The following HMGXB3 variants were observed in gnomAD, a reference collection of about 807,000 sequenced individuals.
HMGXB3 encodes HMG-box containing 3, also known as HMG domain-containing protein 3.
Under a neutral mutation model 121.5 loss-of-function variants are expected in HMGXB3, and 45 were observed. The observed-to-expected ratio is 0.37, with a 90% CI of 0.29 to 0.47. HMGXB3 has a LOEUF of 0.47. Ranked by LOEUF, HMGXB3 falls within the 20% of genes least tolerant of loss-of-function variation. HMGXB3 has a pLI of 0.99. For missense variants in HMGXB3, 1,376 were observed against 1,602.2 expected, an observed-to-expected ratio of 0.86 and a Z score of 2.41; for synonymous variants, 590 against 624.1, an observed-to-expected ratio of 0.95 and a Z score of 0.81.
At position 150,009,591 on chromosome 5, in the gene HMGXB3, T is replaced by G. The variant is rs1350859217; in HGVS notation, c.313-520T>G. ...GAGGTCAGAATGCTTACTTGCTGCC[T>G]TGAGTTTCATCTTAGCCTGTTAACT... On this transcript the variant is annotated intron_variant, in intron 3 of 19. Transcript: ENST00000502717. 2.6e-5 allele frequency among the ~76,000 whole-genome samples: 4 copies of G among 152,376 alleles called. No homozygotes were observed. The East Asian group carries it at 7.7e-4, about 29-fold the overall frequency.
intron 5 of HMGXB3, among the ~76,000 whole-genome samples, chr5:150,016,315 T>C (rs1755958482): frequency 7.3e-6 from 1 of 136,542 alleles, no homozygotes; most frequent in South Asian, 2.3e-4. Flanking sequence ...CACTGTAGCC[T>C]GAGCAACAGA....
Position 150,051,832 on chromosome 5 carries a change from C to T in HMGXB3, c.3519C>T (p.Val1173=), listed in dbSNP as rs1250283356. The change falls in exon 20 of 20, where the codon GTC becomes GTT. Residue 1173 remains valine (V), a synonymous_variant. Coordinates refer to ENST00000502717, the MANE Select transcript of HMGXB3 (RefSeq NM_014983.3). ...CCAAGACTGCCACGCGGCGCATCGT[C>T]CATGCAGGCCTACAGCCCAATCCTG... ...PVTKTATRRI[V]HAGLQPNPGD... 3.9e-6 allele frequency: 6 copies of T among 1,550,146 alleles called. No homozygotes were observed. Among genetic ancestry groups the T allele is most frequent in the Non-Finnish European group, 2.6e-6 (3 of 1,147,096 alleles).
At chr5:150,044,871 T>C (rs1427984932) in intron 15 of HMGXB3, among the ~76,000 whole-genome samples, 1 of 152,204 alleles carries the variant, frequency 6.6e-6, no homozygotes, top group Non-Finnish European at 1.5e-5. Flanking sequence ...TATTAATAGA[T>C]GTCTATAAGA....
At chr5:150,028,414 A>G (rs1479816751) in intron 9 of HMGXB3, among the ~76,000 whole-genome samples, 1 of 146,220 alleles carries the variant, frequency 6.8e-6, no homozygotes, top group African/African-American at 2.5e-5. Flanking sequence ...GATTTTATAT[A>G]TATATATATG....
At chr5:150,028,408 TTATATATATATATATG>T (rs1288603345) in intron 9 of HMGXB3, among the ~76,000 whole-genome samples, 18 of 145,024 alleles carry the variant, frequency 1.2e-4, no homozygotes, top group African/African-American at 3.8e-4. Context: ...AGACCCGATT[TTATATATATATATATG>T]TATATATATA....
At position 150,032,564 on chromosome 5, in the gene HMGXB3, C is replaced by A; in HGVS notation, c.1944C>A (p.Asn648Lys). Residue 648 changes from asparagine (N) to lysine (K), a missense_variant, in exon 11 of 20, where the codon AAC becomes AAA. Physicochemically the swap from Asn to Lys is moderately conservative, Grantham distance 94 (BLOSUM62 0). Transcript: ENST00000502717. ...KPRICPSCGV[N>K]LAKDRTEKTT... The stretch of plus-strand genomic sequence containing the variant: ...GAATTTGTCCCAGCTGTGGTGTTAA[C>A]CTTGCCAAAGACCGGACTGAGAAAA... 6.4e-7 allele frequency: 1 copy of A among 1,552,274 alleles called. No homozygotes were observed. Among genetic ancestry groups the A allele is most frequent in the Non-Finnish European group, 8.7e-7 (1 of 1,147,120 alleles).
intron 13 of HMGXB3, among the ~76,000 whole-genome samples, chr5:150,040,188 TTTTG>T (rs773888250): frequency 1.3e-5 from 2 of 152,278 alleles, no homozygotes; most frequent in African/African-American, 2.4e-5. Flanking sequence ...TTTCATTATT[TTTTG>T]TTTGTTTGTT....
At chr5:150,003,253 A>C (rs1755620641) in intron 1 of HMGXB3, among the ~76,000 whole-genome samples, 1 of 152,238 alleles carries the variant, frequency 6.6e-6, no homozygotes, top group African/African-American at 2.4e-5. Flanking sequence ...TTGACAGCAC[A>C]GATGTAGAAC....
intron 1 of HMGXB3, among the ~76,000 whole-genome samples, chr5:150,003,278 A>G (rs1459693869): frequency 1.3e-5 from 2 of 152,016 alleles, no homozygotes; most frequent in Admixed American, 6.5e-5. Flanking sequence ...CCATCATCAG[A>G]GTTTATTGAA....
chr5:150,008,101 A>C (rs1231979303), intron 3 of HMGXB3, among the ~76,000 whole-genome samples: 2 of 149,438 alleles, frequency 1.3e-5, no homozygotes, highest in African/African-American at 4.9e-5. Context: ...ACACACACAA[A>C]TCAGCAATCT....
In HMGXB3 at chr5:150,010,140, G is replaced by A; in HGVS notation, c.342G>A (p.Val114=). Residue 114 remains valine (V), a synonymous_variant, in exon 4 of 20, where the codon GTG becomes GTA. Coordinates refer to ENST00000502717, the MANE Select transcript of HMGXB3 (RefSeq NM_014983.3). ...CTAAGCTCTCTGCACTGACTGCTGT[G>A]GTTCCGGACATCCCAGGTTTCCGCA... ...PNSKLSALTA[V]VPDIPGFRKI... 1 of 1,551,624 alleles carries A rather than the reference G, an allele frequency of 6.4e-7. No individual in the cohort carries two copies. The highest frequency in any genetic ancestry group is 1.2e-5 in the South Asian group (1 of 84,056).
At chr5:150,021,265 A>G (rs1756086002) in intron 6 of HMGXB3, among the ~76,000 whole-genome samples, 1 of 152,236 alleles carries the variant, frequency 6.6e-6, no homozygotes, top group African/African-American at 2.4e-5. Context: ...TTAGAATTTT[A>G]GAAATAAATT....
At chr5:150,022,606 TTAG>T (rs1197399998) in intron 6 of HMGXB3, among the ~76,000 whole-genome samples, 1 of 152,176 alleles carries the variant, frequency 6.6e-6, no homozygotes, top group African/African-American at 2.4e-5. Flanking sequence ...AATAGCCTAC[TTAG>T]TAGGCAGTGT....
chr5:150,048,768 G>T lies in HMGXB3; in HGVS notation c.3201+83G>T, dbSNP rs181755220. ...CAGGGACTGATCCAGCTCAGTTTTG[G>T]GGGGCTAGACTTAGGTCACTGGGCA... On this transcript the variant is annotated intron_variant, in intron 18 of 19. Coordinates refer to ENST00000502717, the MANE Select transcript of HMGXB3 (RefSeq NM_014983.3). 500 of 1,069,070 alleles carry T rather than the reference G, an allele frequency of 4.7e-4. 2 individuals are homozygous for T. In the African/African-American group the frequency reaches 5.3e-3, roughly 11 times the overall value. The allele number at this position is 1,069,070 out of a possible 1,614,324, so 66.2% of individuals were successfully genotyped here.
intron 13 of HMGXB3, among the ~76,000 whole-genome samples, chr5:150,040,090 G>GT (rs1756592660): frequency 6.6e-6 from 1 of 152,206 alleles, no homozygotes; most frequent in Non-Finnish European, 1.5e-5. Flanking sequence ...TAAAGGAAGA[G>GT]TGATACCTTT....
At chr5:150,032,007 T>C (rs1194778023) in intron 10 of HMGXB3, among the ~76,000 whole-genome samples, 1 of 152,046 alleles carries the variant, frequency 6.6e-6, no homozygotes, top group Non-Finnish European at 1.5e-5. Flanking sequence ...GAGTAGACCC[T>C]CTCTTCTGCT....
At chr5:150,047,121 T>G (rs1756775134) in intron 16 of HMGXB3, among the ~76,000 whole-genome samples, 1 of 152,128 alleles carries the variant, frequency 6.6e-6, no homozygotes. Flanking sequence ...CTTGAACTTC[T>G]GACCTCAGAT....
chr5:150,018,591 A>G lies in HMGXB3; in HGVS notation c.935A>G (p.His312Arg), dbSNP rs1300478296. Reference sequence around the variant, plus strand: ...ACCACTACATATACCCGCCGGGGCCATGGGACATGCACCAGCCCAGGGTGC... The same window carrying G: ...ACCACTACATATACCCGCCGGGGCCGTGGGACATGCACCAGCCCAGGGTGC... Reference protein sequence around the residue: ...KLTTTYTRRGHGTCTSPGCSF... With the variant: ...KLTTTYTRRGRGTCTSPGCSF... The change falls in exon 6 of 20, where the codon CAT (histidine) becomes CGT (arginine). Residue 312 changes from histidine to arginine, a missense_variant. His to Arg is a conservative substitution (Grantham distance 29, BLOSUM62 0). Transcript: ENST00000502717. The G allele has an allele frequency of 1.3e-6, 2 of 1,549,896 alleles. No individual in the cohort carries two copies. Among genetic ancestry groups the G allele is most frequent in the East Asian group, 2.4e-5 (1 of 40,860 alleles).
At chr5:150,017,411 C>G (rs1755982230) in intron 5 of HMGXB3, among the ~76,000 whole-genome samples, 1 of 152,172 alleles carries the variant, frequency 6.6e-6, no homozygotes, top group Non-Finnish European at 1.5e-5. Flanking sequence ...CATTTCTTAT[C>G]TCACTTTCTC....
Sources: allele counts gnomAD v4.1 joint callset (sites outside exome capture counted in the v4.1 genomes callset), GRCh38; gene constraint gnomAD v4.1.1; transcripts MANE v1.5; gene names NCBI Gene and HGNC (gene_info 2026-07-23, HGNC 2026-07-21).